LRRC4C: variants seen among roughly 807,000 people sequenced by gnomAD.
LRRC4C encodes leucine-rich repeat-containing protein 4C.
LRRC4C carries 5 observed loss-of-function variants against 33.6 expected under a neutral mutation model. That is an observed-to-expected ratio of 0.15 (90% CI 0.08 to 0.31). The LOEUF (loss-of-function observed/expected upper bound fraction) is 0.31. Ranked by LOEUF, LRRC4C falls within the 10% of genes least tolerant of loss-of-function variation. The pLI is 1.00. For synonymous variants in LRRC4C, 329 were observed against 302.0 expected (o/e 1.09, Z -0.93); for missense variants, 560 against 796.7 (o/e 0.70, Z 3.58).
At chr11:40,548,986 C>T (rs1306742924) in intron 3 of LRRC4C, among the ~76,000 whole-genome samples, 2 of 152,040 alleles carry the variant, frequency 1.3e-5, no homozygotes, top group Non-Finnish European at 2.9e-5. Flanking sequence ...CTTTGAATTC[C>T]TATATTCTTT....
At chr11:41,178,489 A>G (rs958286583) in intron 1 of LRRC4C, among the ~76,000 whole-genome samples, 1 of 151,882 alleles carries the variant, frequency 6.6e-6, no homozygotes, top group South Asian at 2.1e-4. Flanking sequence ...GAGTAGCTGG[A>G]ACTACAGGGG....
At chr11:41,056,414 G>A (rs1305972957) in intron 1 of LRRC4C, among the ~76,000 whole-genome samples, 1 of 152,126 alleles carries the variant, frequency 6.6e-6, no homozygotes, top group Non-Finnish European at 1.5e-5. Flanking sequence ...ATTGACAAGT[G>A]AGACCTAATT....
At chr11:40,761,310 C>A (rs1949199630) in intron 2 of LRRC4C, among the ~76,000 whole-genome samples, 1 of 152,006 alleles carries the variant, frequency 6.6e-6, no homozygotes, top group Non-Finnish European at 1.5e-5. Context: ...CATACTTTTG[C>A]AGGGTTAAAT....
In LRRC4C at chr11:41,439,633, A is replaced by G. The variant is rs970611809; in HGVS notation, c.-496+19798T>C. On this transcript the variant is annotated intron_variant, in intron 1 of 6. Transcript: ENST00000528697. ...ATTTTTATTACAATAACTAATTTGC[A>G]TTGATGTTGAGCATTTTTTCATATG... Among the ~76,000 whole-genome samples, 10 of 152,206 alleles carry G rather than the reference A, an allele frequency of 6.6e-5. No homozygotes were observed. The East Asian group carries it at 1.5e-3, about 24-fold the overall frequency.
At chr11:40,661,607 G>A (rs1367277019) in intron 2 of LRRC4C, among the ~76,000 whole-genome samples, 1 of 152,132 alleles carries the variant, frequency 6.6e-6, no homozygotes, top group Non-Finnish European at 1.5e-5. Context: ...TTAGAAGGTG[G>A]TAATAATGGT....
chr11:40,749,216 T>A (rs553521449), intron 2 of LRRC4C, among the ~76,000 whole-genome samples: 8 of 152,238 alleles, frequency 5.3e-5, no homozygotes, highest in African/African-American at 1.9e-4. Context: ...TAGACCAGAA[T>A]GTTAGATCAC....
intron 2 of LRRC4C, among the ~76,000 whole-genome samples, chr11:40,670,540 T>C (rs1303179579): frequency 1.3e-5 from 2 of 152,172 alleles, no homozygotes; most frequent in Non-Finnish European, 2.9e-5. Context: ...TTTTTTCCCA[T>C]TTCCTGAAGG....
intron 2 of LRRC4C, among the ~76,000 whole-genome samples, chr11:40,878,554 G>A (rs1955024114): frequency 1.3e-5 from 2 of 152,144 alleles, no homozygotes; most frequent in African/African-American, 4.8e-5. Context: ...TATCTGACAT[G>A]AGGTGGAGCT....
chr11:40,958,663 G>A (rs181366223), intron 1 of LRRC4C, among the ~76,000 whole-genome samples: 1 of 151,870 alleles, frequency 6.6e-6, no homozygotes, highest in African/African-American at 2.4e-5. Flanking sequence ...GAATGTGTGT[G>A]TGACATCAGC....
chr11:40,726,638 A>C (rs1399158624), intron 2 of LRRC4C, among the ~76,000 whole-genome samples: 3 of 152,332 alleles, frequency 2.0e-5, no homozygotes, highest in Admixed American at 6.5e-5. Context: ...GGCCAAGCCC[A>C]CAGCCAACAT....
chr11:41,372,309 T>G (rs889161536), intron 1 of LRRC4C, among the ~76,000 whole-genome samples: 30 of 152,198 alleles, frequency 2.0e-4, no homozygotes, highest in African/African-American at 7.2e-4. Flanking sequence ...TTTATTTAGC[T>G]CCTTCAGTGA....
chr11:40,714,362 C>T (rs1746725136), intron 2 of LRRC4C, among the ~76,000 whole-genome samples: 1 of 152,174 alleles, frequency 6.6e-6, no homozygotes, highest in Non-Finnish European at 1.5e-5. Context: ...AATTTAACTG[C>T]ACTTCCGATC....
chr11:40,152,875 A>AG (rs777313033), intron 5 of LRRC4C, among the ~76,000 whole-genome samples: 1 of 152,058 alleles, frequency 6.6e-6, no homozygotes. Flanking sequence ...CAGATGACAA[A>AG]GGGCATATTA....
At chr11:41,028,185 A>G (rs1477625938) in intron 1 of LRRC4C, among the ~76,000 whole-genome samples, 1 of 151,626 alleles carries the variant, frequency 6.6e-6, no homozygotes, top group Non-Finnish European at 1.5e-5. Flanking sequence ...GCTATATTTT[A>G]TGATTAAAAT....
At chr11:40,421,938 T>C (rs1475095658) in intron 3 of LRRC4C, among the ~76,000 whole-genome samples, 2 of 152,228 alleles carry the variant, frequency 1.3e-5, no homozygotes, top group Non-Finnish European at 2.9e-5. Context: ...AACTGCAAAG[T>C]CATCCTCCTT....
intron 1 of LRRC4C, among the ~76,000 whole-genome samples, chr11:41,226,767 C>CACACACACACACAA (rs1342018777): frequency 4.0e-5 from 6 of 151,714 alleles, no homozygotes; most frequent in Non-Finnish European, 2.9e-5. Flanking sequence ...CACACACACA[C>CACACACACACACAA]ACACACACAC....
At chr11:40,519,871 T>C (rs1201340069) in intron 3 of LRRC4C, among the ~76,000 whole-genome samples, 7 of 152,222 alleles carry the variant, frequency 4.6e-5, no homozygotes, top group Non-Finnish European at 1.0e-4. Flanking sequence ...CAATTTATCC[T>C]GAAGATCTTG....
chr11:40,705,892 A>G (rs954481924), intron 2 of LRRC4C, among the ~76,000 whole-genome samples: 2 of 152,122 alleles, frequency 1.3e-5, no homozygotes, highest in African/African-American at 2.4e-5. Flanking sequence ...TTTAATGATC[A>G]CCATTCTAAC....
chr11:40,263,548 T>A (rs1035446842), intron 4 of LRRC4C, among the ~76,000 whole-genome samples: 3 of 152,048 alleles, frequency 2.0e-5, no homozygotes, highest in African/African-American at 7.2e-5. Flanking sequence ...GGGGATGGGA[T>A]CTTGCTATGT....
Sources: allele counts gnomAD v4.1 joint callset (sites outside exome capture counted in the v4.1 genomes callset), GRCh38; gene constraint gnomAD v4.1.1; transcripts MANE v1.5; gene names NCBI Gene and HGNC (gene_info 2026-07-23, HGNC 2026-07-21).